Variants in ALDH1A1 observed in about 807,000 individuals in gnomAD.
The protein encoded by ALDH1A1 is aldehyde dehydrogenase 1 family member A1.
ALDH1A1 carries 19 observed loss-of-function variants against 62.1 expected under a neutral mutation model. That is an observed-to-expected ratio of 0.31 (90% CI 0.21 to 0.45). The LOEUF is 0.45. Among genes scored for constraint, ALDH1A1 ranks in the 20% least tolerant of loss-of-function variants. The pLI is 1.00. For missense variants in ALDH1A1, 521 were observed against 607.1 expected (o/e 0.86, Z 1.49); for synonymous variants, 231 against 215.9 (o/e 1.07, Z -0.61).
intron 8 of ALDH1A1, among the ~76,000 whole-genome samples, chr9:72,917,885 T>G (rs1472288523): frequency 6.6e-6 from 1 of 152,226 alleles, no homozygotes; most frequent in African/African-American, 2.4e-5. Context: ...TGTGAACTAA[T>G]TACATCTGCT....
intron 1 of ALDH1A1, among the ~76,000 whole-genome samples, chr9:72,949,848 A>AG (rs995534573): frequency 1.3e-5 from 2 of 151,252 alleles, no homozygotes; most frequent in Non-Finnish European, 3.0e-5. Flanking sequence ...ATAAAAAAAA[A>AG]AAAAGAAAAA....
Position 72,909,688 on chromosome 9 carries a change from A to C in ALDH1A1, c.1272T>G (p.Thr424=), listed in dbSNP as rs538412035. The change falls in exon 11 of 13, where the codon ACT becomes ACG. Residue 424 remains threonine, a synonymous_variant. Coordinates refer to ENST00000297785, the MANE Select transcript of ALDH1A1 (RefSeq NM_000689.5). ...ACACTCCTGCTGATAAGCCATAGAAAGTATTGTTTGCTCTTTTGATCACGT... is the reference window on the plus strand; with the variant it reads ...ACACTCCTGCTGATAAGCCATAGAACGTATTGTTTGCTCTTTTGATCACGT... ...LDDVIKRANN[T]FYGLSAGVFT... is the part of the protein sequence containing the mutation. 153 of 1,613,952 alleles carry C rather than the reference A, an allele frequency of 9.5e-5. 1 individual carries two copies. The South Asian group carries it at 1.6e-3, about 17-fold the overall frequency.
intron 12 of ALDH1A1, among the ~76,000 whole-genome samples, chr9:72,902,129 T>G (rs1192770284): frequency 6.6e-6 from 1 of 152,026 alleles, no homozygotes; most frequent in Non-Finnish European, 1.5e-5. Flanking sequence ...GATCAGGAAT[T>G]AACTCAGTCA....
chr9:72,940,075 G>T, intron 2 of ALDH1A1, 73 bp downstream of exon 2: 2 of 1,090,878 alleles, frequency 1.8e-6, no homozygotes, highest in Non-Finnish European at 1.4e-6. Context: ...AGCTTGCAAT[G>T]GGGTTCAGGA....
intron 1 of ALDH1A1, among the ~76,000 whole-genome samples, chr9:72,949,863 A>G (rs574810803): frequency 1.3e-5 from 2 of 151,772 alleles, no homozygotes; most frequent in African/African-American, 4.8e-5. Context: ...GAAAAAAGAA[A>G]AGGTAAAACA....
intron 7 of ALDH1A1, among the ~76,000 whole-genome samples, chr9:72,921,794 A>T (rs1830149473): frequency 6.6e-6 from 1 of 151,432 alleles, no homozygotes; most frequent in African/African-American, 2.4e-5. Context: ...GTCTTTGAGG[A>T]TAATCAGCAA....
At chr9:72,906,144 A>G (rs348472) in intron 11 of ALDH1A1, 112 bp from the exon 12 acceptor site, 633,309 of 687,852 alleles carry the variant, frequency 0.92, 294,386 homozygotes, top group East Asian at 0.99. Flanking sequence ...TAATTTCATT[A>G]TAACATACTC....
intron 1 of ALDH1A1, among the ~76,000 whole-genome samples, chr9:72,949,911 G>C (rs532721585): frequency 6.6e-6 from 1 of 151,234 alleles, no homozygotes; most frequent in Non-Finnish European, 1.5e-5. Flanking sequence ...CAAAGTTACC[G>C]AATCCTGTAG....
At position 72,930,992 on chromosome 9, in the gene ALDH1A1, C is replaced by A. The variant is rs1830274497; in HGVS notation, c.199G>T (p.Ala67Ser). 2 of 1,613,994 alleles carry A rather than the reference C, an allele frequency of 1.2e-6. No individual in the cohort carries two copies. The highest frequency in any genetic ancestry group is 1.7e-5 in the Admixed American group (1 of 59,994). ...KEDVDKAVKAARQAFQIGSPW... is the reference protein window; with the variant it reads ...KEDVDKAVKASRQAFQIGSPW... Reference sequence around the variant, plus strand: ...GATCCAATCTGAAAAGCCTGTCTTGCGGCCTTCACTGCCTTGTCAACATCC... The same window carrying A: ...GATCCAATCTGAAAAGCCTGTCTTGAGGCCTTCACTGCCTTGTCAACATCC... Residue 67 changes from alanine to serine, a missense_variant, in exon 3 of 13, where the codon GCA (alanine) becomes TCA (serine). Transcript: ENST00000297785.
At chr9:72,946,526 A>G (rs190140316) in intron 1 of ALDH1A1, among the ~76,000 whole-genome samples, 97 of 152,092 alleles carry the variant, frequency 6.4e-4, no homozygotes, top group Non-Finnish European at 1.1e-3. Context: ...TACTTTTGCT[A>G]TATACATCTA....
rs1189149274 is a variant in ALDH1A1 at position 72,928,936 on chromosome 9, C to G, written c.398G>C (p.Cys133Ser). 82 of 1,613,856 alleles carry G rather than the reference C, an allele frequency of 5.1e-5. No individual in the cohort carries two copies. Among genetic ancestry groups the G allele is most frequent in the Non-Finnish European group, 6.4e-5 (76 of 1,179,938 alleles). ...CTGGATCTTGTCAGCCCAACCTGCA[C>G]AGTAGCGCAATGTTTTGATGCAGCC... ...LAGCIKTLRYCAGWADKIQGR... is the reference protein window; with the variant it reads ...LAGCIKTLRYSAGWADKIQGR... Residue 133 changes from cysteine to serine, a missense_variant, in exon 4 of 13, where the codon TGT (cysteine) becomes TCT (serine). Cys to Ser is a moderately radical substitution (Grantham distance 112). Coordinates refer to ENST00000297785, the MANE Select transcript of ALDH1A1 (RefSeq NM_000689.5).
intron 1 of ALDH1A1, 118 bp from the exon 2 acceptor site, chr9:72,940,370 C>T (rs1026192173): frequency 2.0e-5 from 14 of 704,612 alleles, no homozygotes; most frequent in African/African-American, 1.6e-4. Context: ...ATCTCTTCAC[C>T]TCTCAAAACT....
In ALDH1A1 at chr9:72,911,942, G is replaced by A. The variant is rs746424880; in HGVS notation, c.1200+16C>T. ...ACATGGCAACAAAAAGAACAGAACA[G>A]AATGAAGCCATTTACCTCCTCTTTG... On this transcript the variant is annotated intron_variant, in intron 10 of 12. Coordinates refer to ENST00000297785, the MANE Select transcript of ALDH1A1 (RefSeq NM_000689.5). 38 of 1,613,586 alleles carry A rather than the reference G, an allele frequency of 2.4e-5. No individual in the cohort carries two copies. The highest frequency in any genetic ancestry group is 3.1e-5 in the Non-Finnish European group (37 of 1,179,616).
chr9:72,933,401 C>T (rs2118551602), intron 2 of ALDH1A1, among the ~76,000 whole-genome samples: 1 of 152,114 alleles, frequency 6.6e-6, no homozygotes, highest in Non-Finnish European at 1.5e-5. Flanking sequence ...CATGACTTCT[C>T]TAAGGTTCAG....
chr9:72,906,048 A>G lies in ALDH1A1; in HGVS notation c.1359-16T>C. 6.3e-7 allele frequency: 1 copy of G among 1,599,498 alleles called. No individual in the cohort carries two copies. Among genetic ancestry groups the G allele is most frequent in the Non-Finnish European group, 8.5e-7 (1 of 1,170,660 alleles). On this transcript the variant is annotated splice_polypyrimidine_tract_variant and intron_variant, in intron 11 of 12. Transcript: ENST00000297785. ...GCAATTCACCCTGAAGGAAAAGAAA[A>G]GTGCATTATAGACAATACTTAAGGT...
At chr9:72,950,428 T>C (rs554568276) in intron 1 of ALDH1A1, among the ~76,000 whole-genome samples, 3 of 151,988 alleles carry the variant, frequency 2.0e-5, no homozygotes, top group African/African-American at 7.2e-5. Context: ...AGTGAATTTA[T>C]AGCGATGTTT....
At chr9:72,915,866 T>G (rs1330282) in intron 9 of ALDH1A1, among the ~76,000 whole-genome samples, 1 of 152,210 alleles carries the variant, frequency 6.6e-6, no homozygotes, top group African/African-American at 2.4e-5. Flanking sequence ...TTTTAGTTAA[T>G]TGAATTTACT....
intron 9 of ALDH1A1, among the ~76,000 whole-genome samples, chr9:72,916,421 G>T (rs1296553844): frequency 1.3e-5 from 2 of 152,132 alleles, no homozygotes; most frequent in Non-Finnish European, 2.9e-5. Flanking sequence ...ACTGAAATAC[G>T]AAGTTTGCCG....
chr9:72,917,157 T>C (rs1830076751), intron 8 of ALDH1A1, 53 bp from the exon 9 acceptor site: 1 of 1,262,938 alleles, frequency 7.9e-7, no homozygotes, highest in Admixed American at 3.7e-5. Flanking sequence ...TTATATATTT[T>C]ATATGTTTCT....
Sources: allele counts gnomAD v4.1 joint callset (sites outside exome capture counted in the v4.1 genomes callset), GRCh38; gene constraint gnomAD v4.1.1; transcripts MANE v1.5; gene names NCBI Gene and HGNC (gene_info 2026-07-23, HGNC 2026-07-21).